Variants in MALRD1 observed in about 807,000 individuals in gnomAD.
MALRD1 encodes the protein MAM and LDL-receptor class A domain-containing protein 1.
Under a neutral mutation model 242.1 loss-of-function variants are expected in MALRD1, and 247 were observed. The observed-to-expected ratio is 1.02, with a 90% confidence interval of 0.92 to 1.13. The LOEUF is 1.13. MALRD1 is among the 50% of genes most tolerant of loss of function. The pLI is 0.00. For missense variants in MALRD1, 2,989 were observed against 2,533.1 expected (o/e 1.18, Z -3.86); for synonymous variants, 995 against 866.6 (o/e 1.15, Z -2.60).
At chr10:19,153,255 T>A (rs2256799) in intron 11 of MALRD1, among the ~76,000 whole-genome samples, 47 of 152,252 alleles carry the variant, frequency 3.1e-4, no homozygotes, top group African/African-American at 1.1e-3. Flanking sequence ...TTTGTTCCTA[T>A]GCTCACAAGT....
At chr10:19,729,064 A>G (rs1835168928) in intron 38 of MALRD1, among the ~76,000 whole-genome samples, 3 of 152,194 alleles carry the variant, frequency 2.0e-5, no homozygotes, top group Admixed American at 2.0e-4. Context: ...AGCAAAATGT[A>G]CCCGCGGTGA....
At chr10:19,350,216 C>G (rs6481879) in intron 25 of MALRD1, among the ~76,000 whole-genome samples, 93,737 of 150,170 alleles carry the variant, frequency 0.62, 29,509 homozygotes, top group African/African-American at 0.69. Context: ...TAGGAAGGAT[C>G]CATGTAGAGG....
rs1180381383 is a variant in MALRD1 at position 19,153,386 on chromosome 10, T to C, written c.1559-1689T>C. On this transcript the variant is annotated intron_variant, in intron 11 of 39. Coordinates refer to ENST00000454679, the MANE Select transcript of MALRD1 (RefSeq NM_001142308.3). ...CTCCATATTTTTCTAAGATCTGAGG[T>C]TTCTCAAATAATGTTGCAAATATTT... Among the ~76,000 whole-genome samples the C allele has an allele frequency of 3.9e-5, 6 of 152,262 alleles. No individual in the cohort carries two copies. In the East Asian group the frequency reaches 1.2e-3, roughly 29 times the overall value.
In MALRD1 at chr10:19,324,007, A is replaced by G. The variant is rs1423424301; in HGVS notation, c.3478A>G (p.Thr1160Ala). 6.4e-7 allele frequency: 1 copy of G among 1,550,710 alleles called. No individual in the cohort carries two copies. The highest frequency in any genetic ancestry group is 8.7e-7 in the Non-Finnish European group (1 of 1,146,936). Reference protein sequence around the residue: ...ADSSNGKFGDTADILTPIISL... With the variant: ...ADSSNGKFGDAADILTPIISL... Reference sequence around the variant, plus strand: ...CAGTTCTAATGGGAAATTTGGTGACACGGCTGACATTCTCACTCCTATCAT... The same window carrying G: ...CAGTTCTAATGGGAAATTTGGTGACGCGGCTGACATTCTCACTCCTATCAT... Residue 1160 changes from threonine to alanine, a missense_variant, in exon 22 of 40, where the codon ACG (threonine) becomes GCG (alanine). Physicochemically the swap from Thr to Ala is moderately conservative, Grantham distance 58. Coordinates refer to ENST00000454679, the MANE Select transcript of MALRD1 (RefSeq NM_001142308.3).
chr10:19,280,061 G>C lies in MALRD1; in HGVS notation c.3094G>C (p.Asp1032His), dbSNP rs1360298273. 6.6e-7 allele frequency: 1 copy of C among 1,506,436 alleles called. No homozygotes were observed. Among genetic ancestry groups the C allele is most frequent in the Non-Finnish European group, 8.8e-7 (1 of 1,131,070 alleles). 93.3% of individuals were successfully genotyped at this position (1,506,436 alleles called of 1,614,324 possible). ...CTLYPGNLPADLPTPPETSVP... is the reference protein window; with the variant it reads ...CTLYPGNLPAHLPTPPETSVP... Reference sequence around the variant, plus strand: ...TTCTTATCAAGGTAATTTGCCAGCAGACCTCCCAACTCCACCAGAAACGTC... The same window carrying C: ...TTCTTATCAAGGTAATTTGCCAGCACACCTCCCAACTCCACCAGAAACGTC... The change falls in exon 20 of 40, where the codon GAC becomes CAC. Residue 1032 changes from aspartate to histidine, a missense_variant. Asp to His is a moderately conservative substitution (Grantham distance 81, BLOSUM62 -1). Transcript: ENST00000454679.
intron 24 of MALRD1, among the ~76,000 whole-genome samples, chr10:19,346,295 T>A (rs1350827173): frequency 6.6e-6 from 1 of 152,186 alleles, no homozygotes; most frequent in Admixed American, 6.5e-5. Context: ...ACATGATTTG[T>A]CCAGGAATTA....
chr10:19,271,720 A>G (rs531377107), intron 19 of MALRD1, among the ~76,000 whole-genome samples: 25 of 152,274 alleles, frequency 1.6e-4, no homozygotes, highest in Admixed American at 1.6e-3. Context: ...CCGAGATCTC[A>G]CCACTGCACT....
chr10:19,063,403 A>G (rs1834880428), intron 1 of MALRD1, among the ~76,000 whole-genome samples: 1 of 152,114 alleles, frequency 6.6e-6, no homozygotes, highest in Non-Finnish European at 1.5e-5. Context: ...TACCCAGACC[A>G]TACTTTCCAG....
chr10:19,424,309 A>T (rs1330421676), intron 28 of MALRD1, among the ~76,000 whole-genome samples: 1 of 151,854 alleles, frequency 6.6e-6, no homozygotes, highest in Non-Finnish European at 1.5e-5. Flanking sequence ...ACAGGCACCC[A>T]CCACCACGCT....
At chr10:19,361,107 C>T (rs912979069) in intron 26 of MALRD1, among the ~76,000 whole-genome samples, 3 of 152,044 alleles carry the variant, frequency 2.0e-5, no homozygotes, top group African/African-American at 7.2e-5. Context: ...AATAAAACTC[C>T]CAATACTTAT....
chr10:19,445,302 A>T (rs2483077), intron 28 of MALRD1, among the ~76,000 whole-genome samples: 1 of 152,018 alleles, frequency 6.6e-6, no homozygotes, highest in Non-Finnish European at 1.5e-5. Context: ...TCTGAAGCTT[A>T]CTTCTGTCAA....
At chr10:19,590,387 A>G (rs1458325080) in intron 33 of MALRD1, among the ~76,000 whole-genome samples, 4 of 148,284 alleles carry the variant, frequency 2.7e-5, no homozygotes, top group African/African-American at 9.8e-5. Context: ...TATTTTATAT[A>G]TGTATATATT....
At chr10:19,204,788 C>G (rs2131617072) in intron 16 of MALRD1, 110 bp from the exon 17 acceptor site, 1 of 1,160,006 alleles carries the variant, frequency 8.6e-7, no homozygotes, top group South Asian at 1.7e-5. Flanking sequence ...AGAAAAGCGT[C>G]TTATGATAAC....
At chr10:19,527,211 A>C (rs966280294) in intron 31 of MALRD1, among the ~76,000 whole-genome samples, 3 of 152,134 alleles carry the variant, frequency 2.0e-5, no homozygotes, top group Non-Finnish European at 2.9e-5. Flanking sequence ...AACTCTAAAG[A>C]TGTTGTGACT....
chr10:19,352,672 GA>G, intron 26 of MALRD1, among the ~76,000 whole-genome samples: 1 of 152,234 alleles, frequency 6.6e-6, no homozygotes, highest in South Asian at 2.1e-4. Context: ...ATTTTAATTA[GA>G]CATTTTTGTG....
intron 28 of MALRD1, among the ~76,000 whole-genome samples, chr10:19,421,084 A>C (rs888466936): frequency 2.0e-5 from 3 of 152,190 alleles, no homozygotes; most frequent in African/African-American, 7.2e-5. Flanking sequence ...AGTGTGGGGT[A>C]ATGGGAGAGA....
At chr10:19,055,163 A>AT (rs1834625180) in intron 1 of MALRD1, among the ~76,000 whole-genome samples, 1 of 152,098 alleles carries the variant, frequency 6.6e-6, no homozygotes, top group African/African-American at 2.4e-5. Flanking sequence ...ATACTGAAAA[A>AT]TTTTTTAATG....
At chr10:19,688,490 G>A (rs562722223) in intron 36 of MALRD1, among the ~76,000 whole-genome samples, 6 of 151,172 alleles carry the variant, frequency 4.0e-5, no homozygotes, top group Non-Finnish European at 8.8e-5. Context: ...CAAACTCCTG[G>A]CCTCAAGTAA....
At chr10:19,298,219 C>T (rs1591335) in intron 21 of MALRD1, among the ~76,000 whole-genome samples, 65,193 of 151,646 alleles carry the variant, frequency 0.43, 14,192 homozygotes, top group South Asian at 0.54. Context: ...TTCCTTGCTT[C>T]ATAACGACCC....
Sources: allele counts gnomAD v4.1 joint callset (sites outside exome capture counted in the v4.1 genomes callset), GRCh38; gene constraint gnomAD v4.1.1; transcripts MANE v1.5; gene names NCBI Gene and HGNC (gene_info 2026-07-23, HGNC 2026-07-21).